The following TMEM74 variants were observed in gnomAD, a reference collection of about 807,000 sequenced individuals.
TMEM74 encodes transmembrane protein 74.
A neutral mutation model predicts 18.1 loss-of-function variants in TMEM74; 13 were observed. That is an observed-to-expected ratio of 0.72 (90% CI 0.47 to 1.14). The LOEUF is 1.14. Ranked by LOEUF, TMEM74 falls within the 50% of genes most tolerant of loss-of-function variation. The pLI is 0.00. For missense variants in TMEM74, 372 were observed against 375.9 expected, an observed-to-expected ratio of 0.99 and a Z score of 0.09; for synonymous variants, 159 against 146.6, an observed-to-expected ratio of 1.08 and a Z score of -0.61.
rs1379066330 is a variant in TMEM74 at position 108,784,401 on chromosome 8, A to G, written c.698T>C (p.Ile233Thr). The change falls in exon 2 of 2, where the codon ATT becomes ACT. Residue 233 changes from isoleucine to threonine, a missense_variant. Coordinates refer to ENST00000297459, the MANE Select transcript of TMEM74 (RefSeq NM_153015.3). ...RLGAHLDRCVIAGLCLLTLGG... is the reference protein window; with the variant it reads ...RLGAHLDRCVTAGLCLLTLGG... ...CAGCGTGAGGAGGCAGAGCCCCGCA[A>G]TCACACAGCGGTCCAGGTGAGCCCC... is the stretch of plus-strand genomic sequence containing the variant. 1 of 1,613,994 alleles carries G rather than the reference A, an allele frequency of 6.2e-7. No individual in the cohort carries two copies. Among genetic ancestry groups the G allele is most frequent in the African/African-American group, 1.3e-5 (1 of 74,912 alleles).
intron 1 of TMEM74, among the ~76,000 whole-genome samples, chr8:108,740,027 G>T (rs918278591): frequency 3.3e-5 from 5 of 152,122 alleles, no homozygotes; most frequent in Non-Finnish European, 5.9e-5. Context: ...AAAAGGGCAG[G>T]TGCATGATCT....
At chr8:108,744,208 G>A (rs1441815576) in intron 1 of TMEM74, among the ~76,000 whole-genome samples, 1 of 152,116 alleles carries the variant, frequency 6.6e-6, no homozygotes, top group Non-Finnish European at 1.5e-5. Flanking sequence ...GATTCAGATC[G>A]AGTATTTTTA....
intron 1 of TMEM74, among the ~76,000 whole-genome samples, chr8:108,675,251 G>A (rs890159575): frequency 1.3e-5 from 2 of 152,106 alleles, no homozygotes; most frequent in Non-Finnish European, 2.9e-5. Flanking sequence ...GCTTGTACTT[G>A]TATTTGAACT....
rs536481501 is a variant in TMEM74 at position 108,696,562 on chromosome 8, C to T, written n.120-41125G>A. Among the ~76,000 whole-genome samples the T allele has an allele frequency of 4.9e-4, 75 of 152,272 alleles. No homozygotes were observed. The South Asian group carries it at 0.015, about 31-fold the overall frequency. On this transcript the variant is annotated intron_variant and non_coding_transcript_variant, in intron 1 of 3. Coordinates refer to the TMEM74 transcript ENST00000518838. ...ATAAAATGAGAAATATAATTACAAT[C>T]GTATTTTTTGTCTTCTAATAACTCT...
chr8:108,651,419 A>G (rs568739227), intron 2 of TMEM74, among the ~76,000 whole-genome samples: 6 of 152,236 alleles, frequency 3.9e-5, no homozygotes, highest in African/African-American at 1.4e-4. Context: ...GTAATTAACA[A>G]TCACTAATCT....
intron 2 of TMEM74, among the ~76,000 whole-genome samples, chr8:108,643,262 G>T (rs1283848767): frequency 6.6e-6 from 1 of 152,092 alleles, no homozygotes; most frequent in Non-Finnish European, 1.5e-5. Flanking sequence ...AGTGCATCTG[G>T]GATGTATGCC....
intron 1 of TMEM74, among the ~76,000 whole-genome samples, chr8:108,749,617 C>G (rs979770971): frequency 9.2e-5 from 14 of 152,184 alleles, no homozygotes; most frequent in African/African-American, 3.4e-4. Flanking sequence ...TTCACTTCCT[C>G]TCTTCCTATT....
rs889607909 is a variant in TMEM74 at position 108,610,370 on chromosome 8, T to G, written n.265-1544A>C. Reference sequence around the variant, plus strand: ...ATGCATCTGTTCATTCAATAAATATTTATTAAGTGCTAAATATGTTGTGAA... The same window carrying G: ...ATGCATCTGTTCATTCAATAAATATGTATTAAGTGCTAAATATGTTGTGAA... On this transcript the variant is annotated intron_variant and non_coding_transcript_variant, in intron 2 of 3. Coordinates refer to the TMEM74 transcript ENST00000518838. Among the ~76,000 whole-genome samples, 9 of 152,174 alleles carry G rather than the reference T, an allele frequency of 5.9e-5. No homozygotes were observed. In the East Asian group the frequency reaches 1.7e-3, roughly 29 times the overall value.
chr8:108,721,308 T>A (rs2935791), intron 1 of TMEM74, among the ~76,000 whole-genome samples: 1 of 152,038 alleles, frequency 6.6e-6, no homozygotes, highest in Non-Finnish European at 1.5e-5. Flanking sequence ...TAGAATCTTA[T>A]CAAATTCCAG....
At chr8:108,732,291 G>T (rs771904717) in intron 1 of TMEM74, among the ~76,000 whole-genome samples, 1 of 152,178 alleles carries the variant, frequency 6.6e-6, no homozygotes, top group Non-Finnish European at 1.5e-5. Flanking sequence ...TTAATTGGAA[G>T]ATTCAAAGTT....
intron 2 of TMEM74, among the ~76,000 whole-genome samples, chr8:108,631,871 T>C (rs962280462): frequency 3.3e-5 from 5 of 152,172 alleles, no homozygotes; most frequent in Middle Eastern, 3.4e-3. Context: ...ACTGGGGGTG[T>C]AGATAGTTAG....
intron 1 of TMEM74, among the ~76,000 whole-genome samples, chr8:108,707,728 ACT>A (rs1444102039): frequency 1.3e-5 from 2 of 152,186 alleles, no homozygotes; most frequent in African/African-American, 4.8e-5. Flanking sequence ...AAGAACAGAA[ACT>A]CTAAAAATCT....
intron 2 of TMEM74, among the ~76,000 whole-genome samples, chr8:108,645,162 C>T (rs1168095807): frequency 6.6e-6 from 1 of 152,082 alleles, no homozygotes; most frequent in Non-Finnish European, 1.5e-5. Flanking sequence ...CCATGGAATA[C>T]TACACGCCAC....
rs147068173 is a variant in TMEM74, at chr8:108,648,211, CTTGTT to C, written n.264+7077_264+7081del. ...TGTTGAGTCTGGGGTGGCCATGTGA[CTTGTT>C]TTGGTCAAAAGGACATAAGCAAATG... On this transcript the variant is annotated intron_variant and non_coding_transcript_variant, in intron 2 of 3. Coordinates refer to the TMEM74 transcript ENST00000518838. Among the ~76,000 whole-genome samples the C allele has an allele frequency of 6.0e-3, 916 of 152,162 alleles. 8 individuals are homozygous for C. The highest frequency in any genetic ancestry group is 0.021 in the African/African-American group (865 of 41,526).
At chr8:108,672,596 A>T (rs574896831) in intron 1 of TMEM74, among the ~76,000 whole-genome samples, 42 of 152,286 alleles carry the variant, frequency 2.8e-4, no homozygotes, top group African/African-American at 8.4e-4. Context: ...GTTCTGTGTG[A>T]AACTCACTCA....
intron 1 of TMEM74, among the ~76,000 whole-genome samples, chr8:108,658,000 A>T (rs1296278678): frequency 6.7e-6 from 1 of 150,216 alleles, no homozygotes; most frequent in Non-Finnish European, 1.5e-5. Flanking sequence ...AGTCTGGTAG[A>T]CACTAAGACC....
intron 2 of TMEM74, among the ~76,000 whole-genome samples, chr8:108,644,465 C>T (rs768267170): frequency 6.6e-5 from 10 of 152,108 alleles, no homozygotes; most frequent in Admixed American, 1.3e-4. Flanking sequence ...GCTAAGACCT[C>T]AAAAGCAATT....
chr8:108,688,304 C>A (rs1000815190), intron 1 of TMEM74, among the ~76,000 whole-genome samples: 1 of 152,158 alleles, frequency 6.6e-6, no homozygotes, highest in African/African-American at 2.4e-5. Flanking sequence ...TCCTTATTTT[C>A]TTCCACAATG....
intron 1 of TMEM74, among the ~76,000 whole-genome samples, chr8:108,719,981 TTGAG>T (rs1813570029): frequency 6.6e-6 from 1 of 152,194 alleles, no homozygotes; most frequent in Non-Finnish European, 1.5e-5. Flanking sequence ...TTACTACTAA[TTGAG>T]TTTCTACATT....
Sources: gnomAD v4.1 joint callset for allele counts (sites outside exome capture counted in the v4.1 genomes callset) on GRCh38, gnomAD v4.1.1 for gene constraint, MANE v1.5 for transcripts, NCBI Gene and HGNC (gene_info 2026-07-23, HGNC 2026-07-21) for gene names.